Variants in ARHGAP26 observed in about 807,000 individuals in gnomAD.
The protein encoded by ARHGAP26 is rho GTPase-activating protein 26.
ARHGAP26 carries 38 observed loss-of-function variants against 104.8 expected under a neutral mutation model. The observed-to-expected ratio is 0.36, with a 90% CI of 0.28 to 0.48. ARHGAP26 has a LOEUF of 0.48. Ranked by LOEUF, ARHGAP26 falls within the 20% of genes least tolerant of loss-of-function variation. The probability of loss-of-function intolerance (pLI) is 0.99; values close to 1 mark genes in which losing one functional copy is unlikely to be tolerated. For missense variants in ARHGAP26, 704 were observed against 947.9 expected, an observed-to-expected ratio of 0.74 and a Z score of 3.38; for synonymous variants, 341 against 340.0, an observed-to-expected ratio of 1.00 and a Z score of -0.03.
intron 3 of ARHGAP26, among the ~76,000 whole-genome samples, chr5:142,877,079 C>T (rs1756234763): frequency 6.6e-6 from 1 of 152,138 alleles, no homozygotes; most frequent in Non-Finnish European, 1.5e-5. Context: ...CATGAATACC[C>T]TGCAGATTGC....
chr5:142,843,423 G>C (rs1438319156), intron 1 of ARHGAP26, among the ~76,000 whole-genome samples: 1 of 152,206 alleles, frequency 6.6e-6, no homozygotes, highest in African/African-American at 2.4e-5. Context: ...GATTGCTAAG[G>C]CATGCTGTTT....
At chr5:143,087,302 G>T (rs1790729412) in intron 17 of ARHGAP26, among the ~76,000 whole-genome samples, 1 of 152,180 alleles carries the variant, frequency 6.6e-6, no homozygotes, top group Non-Finnish European at 1.5e-5. Context: ...TAAGAACTTG[G>T]TTCTTTCATT....
At chr5:143,062,335 T>A (rs961142816) in intron 17 of ARHGAP26, among the ~76,000 whole-genome samples, 1 of 152,240 alleles carries the variant, frequency 6.6e-6, no homozygotes, top group South Asian at 2.1e-4. Flanking sequence ...ATTACCCAAT[T>A]GTCTAATGTT....
chr5:143,021,642 T>A (rs1298632830), intron 12 of ARHGAP26, among the ~76,000 whole-genome samples: 4 of 152,236 alleles, frequency 2.6e-5, no homozygotes, highest in African/African-American at 9.6e-5. Context: ...TTCCATTTCC[T>A]CTTCTGTAAA....
chr5:143,221,638 C>G (rs1249657014), intron 22 of ARHGAP26, among the ~76,000 whole-genome samples: 3 of 152,096 alleles, frequency 2.0e-5, no homozygotes, highest in East Asian at 1.9e-4. Context: ...TTCGGCACTC[C>G]CCCTCCTCCA....
chr5:142,946,017 G>A (rs937003989), intron 11 of ARHGAP26, among the ~76,000 whole-genome samples: 1 of 152,172 alleles, frequency 6.6e-6, no homozygotes, highest in Non-Finnish European at 1.5e-5. Context: ...TTGAACATCA[G>A]GAGAGCATCC....
chr5:142,892,199 G>A (rs1199468849), intron 5 of ARHGAP26, among the ~76,000 whole-genome samples: 3 of 151,994 alleles, frequency 2.0e-5, no homozygotes, highest in African/African-American at 7.3e-5. Context: ...CTGACAGCTT[G>A]TTTTGTGTAT....
chr5:143,116,112 T>C (rs1373507983), intron 17 of ARHGAP26, among the ~76,000 whole-genome samples: 1 of 152,226 alleles, frequency 6.6e-6, no homozygotes, highest in Non-Finnish European at 1.5e-5. Flanking sequence ...TATGTATGTG[T>C]GTATTGCTTG....
chr5:142,826,490 T>C (rs1294761509), intron 1 of ARHGAP26, among the ~76,000 whole-genome samples: 1 of 152,266 alleles, frequency 6.6e-6, no homozygotes, highest in Non-Finnish European at 1.5e-5. Context: ...GATAGCCATT[T>C]ATTGAATTTC....
chr5:142,917,748 G>A (rs961731744), intron 10 of ARHGAP26, among the ~76,000 whole-genome samples: 4 of 152,108 alleles, frequency 2.6e-5, no homozygotes. Context: ...GCCTAGGCTG[G>A]AGTTGAACTC....
At chr5:143,103,237 A>G in intron 17 of ARHGAP26, 1 of 985,126 alleles carries the variant, frequency 1.0e-6, no homozygotes, top group Non-Finnish European at 1.2e-6. Flanking sequence ...TAGACATGGG[A>G]AAAAGTTCAA....
Position 142,885,278 on chromosome 5 carries a change from C to G in ARHGAP26, c.385-20C>G, listed in dbSNP as rs1208240765. 1 of 1,603,718 alleles carries G rather than the reference C, an allele frequency of 6.2e-7. No individual in the cohort carries two copies. Among genetic ancestry groups the G allele is most frequent in the African/African-American group, 1.3e-5 (1 of 74,676 alleles). ...GCAACGTGTTACTCTTTTTCTTTTTCTCTTCTCTTTTTTTGCCAGGAAGCC... is the reference window on the plus strand; with the variant it reads ...GCAACGTGTTACTCTTTTTCTTTTTGTCTTCTCTTTTTTTGCCAGGAAGCC... On this transcript the variant is annotated intron_variant, in intron 4 of 22. Transcript: ENST00000645722.
At position 142,785,166 on chromosome 5, in the gene ARHGAP26, G is replaced by A. The variant is rs145764127; in HGVS notation, c.154+14251G>A. Among the ~76,000 whole-genome samples, 239 of 152,016 alleles carry A rather than the reference G, an allele frequency of 1.6e-3. 1 individual carries two copies. Among genetic ancestry groups the A allele is most frequent in the African/African-American group, 5.7e-3 (235 of 41,406 alleles). On this transcript the variant is annotated intron_variant, in intron 1 of 22. Coordinates refer to ENST00000645722, the MANE Select transcript of ARHGAP26 (RefSeq NM_001135608.3). ...AGGATGGTGTCGATCTCCTGATCTC[G>A]TGATCCGCCCACCTCGGCCTCCCAA...
chr5:142,994,779 G>T (rs1776150007), intron 11 of ARHGAP26, among the ~76,000 whole-genome samples: 1 of 152,318 alleles, frequency 6.6e-6, no homozygotes, highest in African/African-American at 2.4e-5. Flanking sequence ...GCCATGCATA[G>T]TGCCAGCTGC....
At chr5:142,805,986 G>GGA (rs1382738046) in intron 1 of ARHGAP26, among the ~76,000 whole-genome samples, 1 of 152,166 alleles carries the variant, frequency 6.6e-6, no homozygotes, top group Non-Finnish European at 1.5e-5. Flanking sequence ...AGAAAAATGT[G>GGA]GACAGTGTAA....
At chr5:142,905,591 A>C (rs1760998295) in intron 8 of ARHGAP26, among the ~76,000 whole-genome samples, 2 of 152,154 alleles carry the variant, frequency 1.3e-5, no homozygotes, top group Non-Finnish European at 2.9e-5. Flanking sequence ...ACTTGCATAC[A>C]CACACATACA....
intron 20 of ARHGAP26, among the ~76,000 whole-genome samples, chr5:143,197,941 TA>T (rs1045718450): frequency 6.6e-6 from 1 of 152,140 alleles, no homozygotes; most frequent in African/African-American, 2.4e-5. Flanking sequence ...ACAGTATAAA[TA>T]AAAAAGTGAA....
chr5:142,959,152 C>T (rs1352251133), intron 11 of ARHGAP26, among the ~76,000 whole-genome samples: 2 of 152,046 alleles, frequency 1.3e-5, no homozygotes, highest in Non-Finnish European at 2.9e-5. Flanking sequence ...AGCTGCTGGC[C>T]CTTAATTTTA....
chr5:143,022,425 A>C (rs535120703), intron 12 of ARHGAP26, among the ~76,000 whole-genome samples: 14 of 152,214 alleles, frequency 9.2e-5, no homozygotes, highest in African/African-American at 3.4e-4. Flanking sequence ...CACTTTTTTT[A>C]GTAAAGGGCC....
Sources: allele counts gnomAD v4.1 joint callset (sites outside exome capture counted in the v4.1 genomes callset), GRCh38; gene constraint gnomAD v4.1.1; transcripts MANE v1.5; gene names NCBI Gene and HGNC (gene_info 2026-07-23, HGNC 2026-07-21).